TG: variants seen among roughly 807,000 people sequenced by gnomAD.
TG encodes the protein thyroid hormones.
Under a neutral mutation model 324.7 loss-of-function variants are expected in TG, and 270 were observed. The observed-to-expected ratio is 0.83, with a 90% CI of 0.75 to 0.92. The LOEUF is 0.92. TG is among the 40% of genes least tolerant of loss of function. The probability of loss-of-function intolerance (pLI) is 0.00; values close to 1 mark genes in which losing one functional copy is unlikely to be tolerated. For synonymous variants in TG, 1,401 were observed against 1,327.0 expected, an observed-to-expected ratio of 1.06 and a Z score of -1.21; for missense variants, 3,591 against 3,456.4, an observed-to-expected ratio of 1.04 and a Z score of -0.98.
chr8:133,053,306 G>A (rs1403314006), intron 41 of TG, among the ~76,000 whole-genome samples: 5 of 152,154 alleles, frequency 3.3e-5, no homozygotes, highest in East Asian at 3.8e-4. Flanking sequence ...CCCCACCCCC[G>A]GCTGTGAGTT....
At position 132,963,039 on chromosome 8, in the gene TG, A is replaced by C; in HGVS notation, c.5513A>C (p.Asp1838Ala). 6.2e-7 allele frequency: 1 copy of C among 1,614,044 alleles called. No homozygotes were observed. The highest frequency in any genetic ancestry group is 1.7e-4 in the Middle Eastern group (1 of 6,058). ...SRPESMGCRKDTVPRPASPTE... is the reference protein window; with the variant it reads ...SRPESMGCRKATVPRPASPTE... ...CCTGAGTCTATGGGATGTAGAAAAG[A>C]CACAGTGCCAAGGCCAGCATCTCCA... Residue 1838 changes from aspartate (D) to alanine (A), a missense_variant, in exon 29 of 48, where the codon GAC becomes GCC. Coordinates refer to ENST00000220616, the MANE Select transcript of TG (RefSeq NM_003235.5).
chr8:132,964,689 G>T, intron 29 of TG: 1 of 569,744 alleles, frequency 1.8e-6, no homozygotes, highest in Non-Finnish European at 3.1e-6. Flanking sequence ...GGTATAAGAT[G>T]AAGTGGCTAC....
chr8:132,982,934 C>T (rs1343397706), intron 34 of TG, among the ~76,000 whole-genome samples: 1 of 152,172 alleles, frequency 6.6e-6, no homozygotes, highest in Admixed American at 6.5e-5. Context: ...TGGTCAATGT[C>T]ATGAGAAAAG....
At chr8:132,906,557 C>A in intron 16 of TG, 131 bp from the exon 17 acceptor site, 1 of 1,048,324 alleles carries the variant, frequency 9.5e-7, no homozygotes, top group Non-Finnish European at 1.4e-6. Context: ...GCCCTGAGAG[C>A]TTGACAGGTC....
chr8:133,079,478 T>G (rs750692746), intron 41 of TG, among the ~76,000 whole-genome samples: 3 of 152,070 alleles, frequency 2.0e-5, no homozygotes, highest in Admixed American at 6.5e-5. Context: ...TTCTCCAACA[T>G]GTGTTGATGG....
intron 45 of TG, among the ~76,000 whole-genome samples, chr8:133,121,685 G>A (rs192322205): frequency 2.6e-5 from 4 of 152,156 alleles, no homozygotes; most frequent in Non-Finnish European, 5.9e-5. Flanking sequence ...TTCTTCATCT[G>A]GCAAATGGGT....
rs146164612 is a variant in TG at position 132,871,119 on chromosome 8, C to T, written c.275-229C>T. 1.2e-4 allele frequency among the ~76,000 whole-genome samples: 19 copies of T among 152,278 alleles called. No homozygotes were observed. The East Asian group carries it at 3.7e-3, about 29-fold the overall frequency. ...CATCTCCCCTCCACAGGACCGTGCT[C>T]TGGGGTACCTGACTGATGTGGCACC... is the stretch of plus-strand genomic sequence containing the variant. On this transcript the variant is annotated intron_variant, in intron 3 of 47. Coordinates refer to ENST00000220616, the MANE Select transcript of TG (RefSeq NM_003235.5).
intron 41 of TG, among the ~76,000 whole-genome samples, chr8:133,073,546 A>G (rs1019723384): frequency 6.6e-6 from 1 of 152,158 alleles, no homozygotes; most frequent in Non-Finnish European, 1.5e-5. Flanking sequence ...ATTAAATAGC[A>G]TTCTTCTAAA....
intron 36 of TG, among the ~76,000 whole-genome samples, chr8:133,013,329 G>C (rs1834688101): frequency 6.6e-6 from 1 of 152,288 alleles, no homozygotes; most frequent in East Asian, 1.9e-4. Context: ...ATGGATGGAA[G>C]GGTGGATGAG....
chr8:132,978,538 G>A (rs921503053), intron 34 of TG, among the ~76,000 whole-genome samples: 3 of 152,156 alleles, frequency 2.0e-5, no homozygotes, highest in Non-Finnish European at 2.9e-5. Context: ...GAATTACACC[G>A]TGATGTGGCT....
intron 25 of TG, among the ~76,000 whole-genome samples, chr8:132,936,723 C>T (rs757270017): frequency 2.7e-4 from 41 of 152,318 alleles, no homozygotes; most frequent in Non-Finnish European, 5.1e-4. Flanking sequence ...TTCTGCCCCA[C>T]CCTGCTCACC....
chr8:133,122,823 C>T (rs949264868), intron 45 of TG, among the ~76,000 whole-genome samples: 17 of 152,192 alleles, frequency 1.1e-4, no homozygotes, highest in African/African-American at 4.1e-4. Context: ...AAAAAACTCA[C>T]CAGCTTTCTC....
At chr8:132,921,858 A>G (rs745678490) in intron 21 of TG, among the ~76,000 whole-genome samples, 1 of 152,214 alleles carries the variant, frequency 6.6e-6, no homozygotes, top group Non-Finnish European at 1.5e-5. Context: ...ACCTCCCACA[A>G]AAAAGTTCTT....
intron 39 of TG, among the ~76,000 whole-genome samples, chr8:133,020,852 G>C (rs926130997): frequency 1.3e-5 from 2 of 152,166 alleles, no homozygotes; most frequent in Non-Finnish European, 2.9e-5. Context: ...CAGCACTTAC[G>C]GGGGCAGGTC....
chr8:133,006,312 A>T (rs558575003), intron 35 of TG, among the ~76,000 whole-genome samples: 1 of 152,364 alleles, frequency 6.6e-6, no homozygotes, highest in South Asian at 2.1e-4. Context: ...GTCATTTTCA[A>T]ACTTGGACGT....
chr8:133,035,314 T>G (rs1283437588), intron 41 of TG, among the ~76,000 whole-genome samples: 1 of 152,228 alleles, frequency 6.6e-6, no homozygotes, highest in Non-Finnish European at 1.5e-5. Context: ...CCTAGAATTT[T>G]TAAATTTTTA....
chr8:133,062,415 G>T (rs1842492012), intron 41 of TG, among the ~76,000 whole-genome samples: 1 of 152,262 alleles, frequency 6.6e-6, no homozygotes, highest in Non-Finnish European at 1.5e-5. Context: ...AAACACAGCA[G>T]GTGGCGTGAC....
chr8:133,005,344 G>T (rs1324388229), intron 35 of TG, among the ~76,000 whole-genome samples: 4 of 152,170 alleles, frequency 2.6e-5, no homozygotes, highest in Non-Finnish European at 4.4e-5. Context: ...TCAGATGTTT[G>T]GTGGGGACAT....
At chr8:132,984,922 C>G (rs1304015126) in intron 35 of TG, among the ~76,000 whole-genome samples, 1 of 136,688 alleles carries the variant, frequency 7.3e-6, no homozygotes, top group Non-Finnish European at 1.6e-5. Context: ...CTGAGCAACA[C>G]AGCCTCCATC....
Sources: gnomAD v4.1 joint callset for allele counts (sites outside exome capture counted in the v4.1 genomes callset) on GRCh38, gnomAD v4.1.1 for gene constraint, MANE v1.5 for transcripts, NCBI Gene and HGNC (gene_info 2026-07-23, HGNC 2026-07-21) for gene names.